The following ADAMTS17 variants were observed in gnomAD, a reference collection of about 807,000 sequenced individuals.
ADAMTS17 encodes the protein A disintegrin and metalloproteinase with thrombospondin motifs 17.
In ADAMTS17, 113 loss-of-function variants were observed where a neutral mutation model predicts 141.5. The observed-to-expected ratio is 0.80, with a 90% confidence interval of 0.69 to 0.93. The LOEUF (loss-of-function observed/expected upper bound fraction) is 0.93. Ranked by LOEUF, ADAMTS17 falls within the 40% of genes least tolerant of loss-of-function variation. ADAMTS17 has a pLI of 0.00. For missense variants in ADAMTS17, 1,659 were observed against 1,517.9 expected, an observed-to-expected ratio of 1.09 and a Z score of -1.54; for synonymous variants, 768 against 630.6, an observed-to-expected ratio of 1.22 and a Z score of -3.27.
intron 4 of ADAMTS17, among the ~76,000 whole-genome samples, chr15:100,267,443 G>A (rs1423925209): frequency 3.9e-5 from 6 of 152,232 alleles, no homozygotes; most frequent in Admixed American, 2.6e-4. Context: ...GTGAACACGG[G>A]TGTACAGATA....
Position 100,155,182 on chromosome 15 carries a change from G to A in ADAMTS17, c.1320C>T (p.Leu440=). Reference sequence around the variant, plus strand: ...TATAGAATAATTCCAGGACTTACTTGAGGAAGTTTTCAAGGTCATCTCGGC... The same window carrying A: ...TATAGAATAATTCCAGGACTTACTTAAGGAAGTTTTCAAGGTCATCTCGGC... ...SCSRDDLENF[L]KSKVSTCLLV... The change falls in exon 9 of 22, where the codon CTC becomes CTT. Residue 440 remains leucine, a splice_region_variant and synonymous_variant. Coordinates refer to ENST00000268070, the MANE Select transcript of ADAMTS17 (RefSeq NM_139057.4). 1 of 1,614,218 alleles carries A rather than the reference G, an allele frequency of 6.2e-7. No individual in the cohort carries two copies. Among genetic ancestry groups the A allele is most frequent in the Non-Finnish European group, 8.5e-7 (1 of 1,180,046 alleles).
intron 2 of ADAMTS17, among the ~76,000 whole-genome samples, chr15:100,334,598 C>G (rs891349975): frequency 2.6e-5 from 4 of 152,198 alleles, no homozygotes; most frequent in African/African-American, 7.2e-5. Flanking sequence ...TGCCCCCCGA[C>G]TCTCGGGTGG....
At chr15:100,328,730 T>G (rs1484965274) in intron 3 of ADAMTS17, among the ~76,000 whole-genome samples, 1 of 152,150 alleles carries the variant, frequency 6.6e-6, no homozygotes, top group Non-Finnish European at 1.5e-5. Flanking sequence ...GCACCATTTA[T>G]CATGTCAGTG....
intron 19 of ADAMTS17, among the ~76,000 whole-genome samples, chr15:99,995,909 TACAGAC>T: frequency 6.6e-6 from 1 of 152,336 alleles, no homozygotes; most frequent in African/African-American, 2.4e-5. Context: ...TGCACATAGA[TACAGAC>T]ACAGAGAAAT....
chr15:100,324,854 C>T (rs1255677369), intron 3 of ADAMTS17, among the ~76,000 whole-genome samples: 2 of 152,092 alleles, frequency 1.3e-5, no homozygotes, highest in Non-Finnish European at 2.9e-5. Flanking sequence ...TGCATTAACT[C>T]ATTTAATACT....
At chr15:99,977,735 G>T (rs1567633143) in intron 20 of ADAMTS17, among the ~76,000 whole-genome samples, 1 of 151,882 alleles carries the variant, frequency 6.6e-6, no homozygotes, top group African/African-American at 2.4e-5. Flanking sequence ...ACTCCTTAAA[G>T]CATTTCCCAG....
intron 4 of ADAMTS17, among the ~76,000 whole-genome samples, chr15:100,266,088 G>T (rs1238839818): frequency 6.6e-6 from 1 of 152,166 alleles, no homozygotes; most frequent in Non-Finnish European, 1.5e-5. Context: ...GAACTTGCCT[G>T]GAACAGCTCA....
chr15:100,173,919 A>G (rs1465534608), intron 8 of ADAMTS17, among the ~76,000 whole-genome samples: 1 of 152,202 alleles, frequency 6.6e-6, no homozygotes, highest in East Asian at 1.9e-4. Flanking sequence ...CATCACCACT[A>G]GAAACAGGCT....
At chr15:100,283,662 T>C (rs956816006) in intron 3 of ADAMTS17, among the ~76,000 whole-genome samples, 13 of 152,186 alleles carry the variant, frequency 8.5e-5, no homozygotes, top group Admixed American at 6.5e-4. Context: ...TAAGTTCTAG[T>C]ACAGAAAGAG....
At chr15:100,299,779 C>T (rs1029784229) in intron 3 of ADAMTS17, among the ~76,000 whole-genome samples, 2 of 152,126 alleles carry the variant, frequency 1.3e-5, no homozygotes, top group African/African-American at 4.8e-5. Flanking sequence ...CATTGTGTGA[C>T]TAGCAACCCA....
At chr15:100,226,346 T>C (rs555313505) in intron 7 of ADAMTS17, among the ~76,000 whole-genome samples, 1 of 152,214 alleles carries the variant, frequency 6.6e-6, no homozygotes, top group Non-Finnish European at 1.5e-5. Flanking sequence ...CCTCCAAAGA[T>C]AAGCAGGAGT....
At position 100,014,655 on chromosome 15, in the gene ADAMTS17, G is replaced by A. The variant is rs527440129; in HGVS notation, c.2592-17066C>T. On this transcript the variant is annotated intron_variant, in intron 18 of 21. Transcript: ENST00000268070. Reference sequence around the variant, plus strand: ...CGGGAGCAGGTTATTTAATTTCCACGTATTTGCATGATTTTGAAGGTTCCT... The same window carrying A: ...CGGGAGCAGGTTATTTAATTTCCACATATTTGCATGATTTTGAAGGTTCCT... 1.2e-4 allele frequency among the ~76,000 whole-genome samples: 19 copies of A among 152,132 alleles called. No homozygotes were observed. In the South Asian group the frequency reaches 3.7e-3, roughly 30 times the overall value.
At position 100,031,068 on chromosome 15, in the gene ADAMTS17, C is replaced by G. The variant is rs147416117; in HGVS notation, c.2591+17789G>C. 3.5e-4 allele frequency among the ~76,000 whole-genome samples: 54 copies of G among 152,328 alleles called. No individual in the cohort carries two copies. In the East Asian group the frequency reaches 9.3e-3, roughly 26 times the overall value. On this transcript the variant is annotated intron_variant, in intron 18 of 21. Coordinates refer to ENST00000268070, the MANE Select transcript of ADAMTS17 (RefSeq NM_139057.4). ...ATTACTTCACTTCATCTCCTCAAGACTTCTATGACAGATGTTCTCATTTCC... is the reference window on the plus strand; with the variant it reads ...ATTACTTCACTTCATCTCCTCAAGAGTTCTATGACAGATGTTCTCATTTCC...
intron 15 of ADAMTS17, among the ~76,000 whole-genome samples, chr15:100,083,557 A>C (rs988530787): frequency 2.6e-5 from 4 of 152,086 alleles, no homozygotes; most frequent in African/African-American, 9.7e-5. Context: ...TCTCAGTCAG[A>C]AAGTTTAGCA....
At chr15:100,174,965 C>T (rs2141489611) in intron 8 of ADAMTS17, among the ~76,000 whole-genome samples, 1 of 152,202 alleles carries the variant, frequency 6.6e-6, no homozygotes, top group African/African-American at 2.4e-5. Flanking sequence ...AGGGTGGTAC[C>T]AGCAGGTTCC....
intron 12 of ADAMTS17, among the ~76,000 whole-genome samples, chr15:100,131,410 G>GA (rs59343291): frequency 0.36 from 53,406 of 149,852 alleles, 9,928 homozygotes; most frequent in East Asian, 0.53. Context: ...GAAGAAAAGG[G>GA]AAAAATCTGG....
intron 3 of ADAMTS17, among the ~76,000 whole-genome samples, chr15:100,298,935 G>A (rs901081761): frequency 6.6e-6 from 1 of 152,110 alleles, no homozygotes; most frequent in East Asian, 1.9e-4. Context: ...TCTTCAGAGG[G>A]CCACGAGGGA....
intron 15 of ADAMTS17, among the ~76,000 whole-genome samples, chr15:100,073,765 G>C (rs986609538): frequency 5.5e-5 from 1 of 18,284 alleles, no homozygotes; most frequent in African/African-American, 1.6e-4. Context: ...GACTGTTGTG[G>C]GGTGGGGGGA....
chr15:100,079,924 G>T (rs997074418), intron 15 of ADAMTS17, among the ~76,000 whole-genome samples: 13 of 152,210 alleles, frequency 8.5e-5, no homozygotes, highest in African/African-American at 2.7e-4. Context: ...TGAAGAGGCT[G>T]CAAAGAACGG....
Sources: gnomAD v4.1 joint callset for allele counts (sites outside exome capture counted in the v4.1 genomes callset) on GRCh38, gnomAD v4.1.1 for gene constraint, MANE v1.5 for transcripts, NCBI Gene and HGNC (gene_info 2026-07-23, HGNC 2026-07-21) for gene names.